ADAMTS17: variants seen among roughly 807,000 people sequenced by gnomAD.
The protein encoded by ADAMTS17 is ADAM metallopeptidase with thrombospondin type 1 motif 17.
Under a neutral mutation model 141.5 loss-of-function variants are expected in ADAMTS17, and 113 were observed. The observed-to-expected ratio is 0.80, with a 90% confidence interval of 0.69 to 0.93. ADAMTS17 has a LOEUF of 0.93. ADAMTS17 is among the 40% of genes least tolerant of loss of function. The probability of loss-of-function intolerance (pLI) is 0.00; values close to 1 mark genes in which losing one functional copy is unlikely to be tolerated. For synonymous variants in ADAMTS17, 768 were observed against 630.6 expected, an observed-to-expected ratio of 1.22 and a Z score of -3.27; for missense variants, 1,659 against 1,517.9, an observed-to-expected ratio of 1.09 and a Z score of -1.54.
intron 4 of ADAMTS17, among the ~76,000 whole-genome samples, chr15:100,277,036 G>A (rs930285207): frequency 6.6e-6 from 1 of 152,098 alleles, no homozygotes; most frequent in African/African-American, 2.4e-5. Flanking sequence ...CCTGTGCAAG[G>A]GGGCTGACGA....
intron 7 of ADAMTS17, among the ~76,000 whole-genome samples, chr15:100,244,487 G>A (rs2042927535): frequency 6.6e-6 from 1 of 151,722 alleles, no homozygotes; most frequent in East Asian, 2.0e-4. Context: ...GACCTGGTGG[G>A]AGGTAAATGA....
At chr15:100,300,146 C>A (rs2044977318) in intron 3 of ADAMTS17, among the ~76,000 whole-genome samples, 1 of 152,284 alleles carries the variant, frequency 6.6e-6, no homozygotes, top group Middle Eastern at 3.4e-3. Flanking sequence ...ATACCTCCAA[C>A]ATGCCCAGGG....
chr15:100,176,687 G>A (rs968815702), intron 8 of ADAMTS17, among the ~76,000 whole-genome samples: 3 of 128,700 alleles, frequency 2.3e-5, no homozygotes, highest in Admixed American at 7.5e-5. Flanking sequence ...ATTATATCAC[G>A]TGTGTATCTT....
intron 18 of ADAMTS17, among the ~76,000 whole-genome samples, chr15:100,046,445 A>C (rs10152145): frequency 0.075 from 11,361 of 152,118 alleles, 1,384 homozygotes; most frequent in African/African-American, 0.25. Flanking sequence ...GTTTCATTTT[A>C]CTGGTTTCTG....
At chr15:100,059,760 T>C (rs926674837) in intron 15 of ADAMTS17, among the ~76,000 whole-genome samples, 2 of 152,340 alleles carry the variant, frequency 1.3e-5, no homozygotes, top group Middle Eastern at 3.4e-3. Context: ...TCTCCTGCCT[T>C]GCGTTAGCTG....
chr15:100,085,493 C>A (rs1403584421), intron 15 of ADAMTS17, among the ~76,000 whole-genome samples: 5 of 151,624 alleles, frequency 3.3e-5, no homozygotes, highest in South Asian at 2.1e-4. Flanking sequence ...ATATAGAGAA[C>A]ACCACAAAGA....
intron 3 of ADAMTS17, among the ~76,000 whole-genome samples, chr15:100,318,082 A>G (rs1353704054): frequency 2.0e-5 from 3 of 152,160 alleles, no homozygotes; most frequent in Non-Finnish European, 2.9e-5. Flanking sequence ...GCCTCCATCA[A>G]TGACTGAGGT....
intron 12 of ADAMTS17, among the ~76,000 whole-genome samples, chr15:100,118,876 C>T (rs543273549): frequency 6.6e-5 from 10 of 152,132 alleles, no homozygotes; most frequent in Non-Finnish European, 1.2e-4. Context: ...TGGGCCCCCA[C>T]AAAACTCTAT....
In ADAMTS17 at chr15:100,045,112, A is replaced by C. The variant is rs895221339; in HGVS notation, c.2591+3745T>G. Among the ~76,000 whole-genome samples, 7 of 151,938 alleles carry C rather than the reference A, an allele frequency of 4.6e-5. No homozygotes were observed. The South Asian group carries it at 1.2e-3, about 27-fold the overall frequency. On this transcript the variant is annotated intron_variant, in intron 18 of 21. Transcript: ENST00000268070. ...ATGAGCCACCATGCCCAGCCTGTTAATTTGGATTTTTTTAGAAGCCACATT... is the reference window on the plus strand; with the variant it reads ...ATGAGCCACCATGCCCAGCCTGTTACTTTGGATTTTTTTAGAAGCCACATT...
At chr15:100,064,305 G>A (rs1300972419) in intron 15 of ADAMTS17, among the ~76,000 whole-genome samples, 1 of 152,178 alleles carries the variant, frequency 6.6e-6, no homozygotes, top group Non-Finnish European at 1.5e-5. Context: ...CAACCCTGCT[G>A]ACACCTTGAT....
intron 20 of ADAMTS17, among the ~76,000 whole-genome samples, chr15:99,991,482 C>A (rs553623298): frequency 6.6e-6 from 1 of 150,928 alleles, no homozygotes. Flanking sequence ...TACCATCTCA[C>A]GCCAGTTAGA....
chr15:100,255,521 C>G (rs968093646), intron 6 of ADAMTS17, among the ~76,000 whole-genome samples: 1 of 151,820 alleles, frequency 6.6e-6, no homozygotes, highest in African/African-American at 2.4e-5. Context: ...GAGGGGAAAG[C>G]AAATAAAATT....
chr15:100,210,886 G>A (rs1303001098), intron 7 of ADAMTS17, among the ~76,000 whole-genome samples: 1 of 152,130 alleles, frequency 6.6e-6, no homozygotes. Flanking sequence ...CGGATCACGA[G>A]GTCAGGAGAT....
chr15:100,057,086 T>G (rs8038037), intron 15 of ADAMTS17, among the ~76,000 whole-genome samples: 115,728 of 151,780 alleles, frequency 0.76, 44,945 homozygotes, highest in Non-Finnish European at 0.84. Context: ...CGGTCATTCC[T>G]GATCCTCAGA....
chr15:100,015,816 A>G (rs1385866895), intron 18 of ADAMTS17, among the ~76,000 whole-genome samples: 2 of 152,148 alleles, frequency 1.3e-5, no homozygotes, highest in African/African-American at 4.8e-5. Flanking sequence ...CTTCATCTTA[A>G]CTTTAGATTA....
chr15:100,192,104 TTTG>T (rs1460871357), intron 8 of ADAMTS17, among the ~76,000 whole-genome samples: 8 of 152,214 alleles, frequency 5.3e-5, no homozygotes, highest in African/African-American at 7.2e-5. Context: ...AACTCTGGAA[TTTG>T]GGTAAGACTG....
At chr15:99,981,309 A>T (rs1020389792) in intron 20 of ADAMTS17, among the ~76,000 whole-genome samples, 1 of 152,246 alleles carries the variant, frequency 6.6e-6, no homozygotes, top group African/African-American at 2.4e-5. Flanking sequence ...GTCCTTCAAC[A>T]GGGACAGGTG....
chr15:100,236,039 T>C (rs1217848251), intron 7 of ADAMTS17, among the ~76,000 whole-genome samples: 1 of 151,966 alleles, frequency 6.6e-6, no homozygotes, highest in Non-Finnish European at 1.5e-5. Flanking sequence ...TGCATGACAG[T>C]CAATATCCTA....
chr15:100,033,562 G>A (rs2030397481), intron 18 of ADAMTS17, among the ~76,000 whole-genome samples: 1 of 152,162 alleles, frequency 6.6e-6, no homozygotes, highest in African/African-American at 2.4e-5. Context: ...CCTGTCTCAC[G>A]TCATCTTCCT....
Sources: allele counts gnomAD v4.1 joint callset (sites outside exome capture counted in the v4.1 genomes callset), GRCh38; gene constraint gnomAD v4.1.1; transcripts MANE v1.5; gene names NCBI Gene and HGNC (gene_info 2026-07-23, HGNC 2026-07-21).